Variants in PLA2G4A observed in about 807,000 individuals in gnomAD.
The protein encoded by PLA2G4A is phospholipase A2 group IVA.
PLA2G4A carries 40 observed loss-of-function variants against 81.9 expected under a neutral mutation model. That is an observed-to-expected ratio of 0.49 (90% CI 0.38 to 0.64). PLA2G4A has a LOEUF of 0.64. PLA2G4A is among the 30% of genes least tolerant of loss of function. PLA2G4A has a pLI of 0.00. For missense variants in PLA2G4A, 715 were observed against 905.1 expected, an observed-to-expected ratio of 0.79 and a Z score of 2.69; for synonymous variants, 302 against 296.9, an observed-to-expected ratio of 1.02 and a Z score of -0.18.
chr1:186,924,931 C>G (rs1176611245), intron 7 of PLA2G4A, among the ~76,000 whole-genome samples: 1 of 151,974 alleles, frequency 6.6e-6, no homozygotes, highest in Non-Finnish European at 1.5e-5. Context: ...ACCTGTAGTC[C>G]TAGCTACTTG....
chr1:186,843,642 G>A (rs1652067131), intron 1 of PLA2G4A, among the ~76,000 whole-genome samples: 1 of 152,208 alleles, frequency 6.6e-6, no homozygotes, highest in Admixed American at 6.5e-5. Flanking sequence ...ACTGACTTTA[G>A]AGAGTGAATT....
chr1:186,951,028 C>T (rs548017664), intron 13 of PLA2G4A, among the ~76,000 whole-genome samples: 4 of 152,274 alleles, frequency 2.6e-5, no homozygotes, highest in African/African-American at 9.6e-5. Flanking sequence ...GAGCACTAGG[C>T]TTCTCAGCAT....
intron 7 of PLA2G4A, among the ~76,000 whole-genome samples, chr1:186,917,295 G>A (rs917000978): frequency 2.6e-5 from 4 of 152,124 alleles, no homozygotes; most frequent in East Asian, 1.9e-4. Flanking sequence ...TGTAGCTGTC[G>A]CTGTAATTCA....
In PLA2G4A at chr1:186,988,643, T is replaced by G; in HGVS notation, c.*135T>G. 1.3e-6 allele frequency: 1 copy of G among 745,904 alleles called. No homozygotes were observed. Among genetic ancestry groups the G allele is most frequent in the South Asian group, 1.4e-5 (1 of 71,494 alleles). 46.2% of individuals were successfully genotyped at this position (745,904 alleles called of 1,614,324 possible). On this transcript the variant is annotated 3_prime_UTR_variant, in exon 18 of 18. Coordinates refer to ENST00000367466, the MANE Select transcript of PLA2G4A (RefSeq NM_024420.3). ...GCTGATACTCAAAGTTGCAGTTACT[T>G]AGCTGCATGAGAATAATACTATTAT...
rs1655128143 is a variant in PLA2G4A, at chr1:186,916,120, T to G, written c.558+4731T>G. On this transcript the variant is annotated intron_variant, in intron 7 of 17. Transcript: ENST00000367466. ...TCCTGGAATTTCTGGTACTGGCACA[T>G]TTAGTTCATCATAGAAAGTTTGAAA... 2.0e-5 allele frequency among the ~76,000 whole-genome samples: 3 copies of G among 152,134 alleles called. No individual in the cohort carries two copies. In the South Asian group the frequency reaches 6.2e-4, roughly 32 times the overall value.
chr1:186,938,762 C>T (rs991961140), intron 8 of PLA2G4A, among the ~76,000 whole-genome samples: 4 of 152,266 alleles, frequency 2.6e-5, no homozygotes, highest in Admixed American at 1.3e-4. Context: ...AGGGCACCTT[C>T]TCTCTTGGAC....
chr1:186,876,915 G>A (rs1278406235), intron 3 of PLA2G4A, among the ~76,000 whole-genome samples: 1 of 152,062 alleles, frequency 6.6e-6, no homozygotes, highest in Non-Finnish European at 1.5e-5. Context: ...CACCTGTAGG[G>A]CGACCTGCTT....
In PLA2G4A at chr1:186,956,126, G is replaced by A. The variant is rs1656743818; in HGVS notation, c.1361G>A (p.Ser454Asn). ...PKGTENEDAG[S>N]DYQSDNQASW... is the part of the protein sequence containing the mutation. Reference sequence around the variant, plus strand: ...GGCACTGAAAATGAAGATGCTGGAAGTGACTATCAAAGTGATAATCAAGCA... The same window carrying A: ...GGCACTGAAAATGAAGATGCTGGAAATGACTATCAAAGTGATAATCAAGCA... Residue 454 changes from serine to asparagine, a missense_variant, in exon 14 of 18, where the codon AGT becomes AAT. Ser to Asn is a conservative substitution (Grantham distance 46). Coordinates refer to ENST00000367466, the MANE Select transcript of PLA2G4A (RefSeq NM_024420.3). The A allele has an allele frequency of 3.1e-6, 5 of 1,612,266 alleles. No homozygotes were observed. The East Asian group carries it at 1.1e-4, about 36-fold the overall frequency.
At chr1:186,880,157 G>A (rs1653675830) in intron 3 of PLA2G4A, among the ~76,000 whole-genome samples, 3 of 152,028 alleles carry the variant, frequency 2.0e-5, no homozygotes, top group Non-Finnish European at 2.9e-5. Flanking sequence ...GGGTAAGTGG[G>A]AAGATGAAAT....
chr1:186,988,418 A>T lies in PLA2G4A; in HGVS notation c.2160A>T (p.Arg720Ser). The part of the protein sequence containing the change: ...EAMVESIEYR[R>S]QNPSRCSVSL... ...TGGTTGAAAGCATTGAATATAGAAG[A>T]CAGAATCCATCTCGTTGCTCTGTTT... is the stretch of plus-strand genomic sequence containing the variant. The change falls in exon 18 of 18, where the codon AGA becomes AGT. Residue 720 changes from arginine to serine, a missense_variant. By Grantham distance (110) the Arg-to-Ser change is moderately radical. Transcript: ENST00000367466. The T allele has an allele frequency of 6.2e-7, 1 of 1,611,792 alleles. No homozygotes were observed. The highest frequency in any genetic ancestry group is 8.5e-7 in the Non-Finnish European group (1 of 1,178,020).
intron 14 of PLA2G4A, among the ~76,000 whole-genome samples, chr1:186,963,999 T>C (rs1040840774): frequency 1.3e-5 from 2 of 152,224 alleles, no homozygotes; most frequent in East Asian, 3.9e-4. Context: ...AAACTGACTA[T>C]AGGAGAATTA....
intron 13 of PLA2G4A, among the ~76,000 whole-genome samples, chr1:186,953,365 T>C (rs917167074): frequency 6.6e-6 from 1 of 152,250 alleles, no homozygotes; most frequent in Non-Finnish European, 1.5e-5. Flanking sequence ...CTGTATATCG[T>C]TTTGATGAGG....
chr1:186,863,668 C>G (rs1652899603), intron 2 of PLA2G4A, among the ~76,000 whole-genome samples: 1 of 152,126 alleles, frequency 6.6e-6, no homozygotes, highest in African/African-American at 2.4e-5. Context: ...CTCTGGTAAC[C>G]ACTATCTTAC....
At chr1:186,986,458 A>G (rs971405037) in intron 17 of PLA2G4A, among the ~76,000 whole-genome samples, 6 of 152,226 alleles carry the variant, frequency 3.9e-5, no homozygotes, top group African/African-American at 1.4e-4. Context: ...ATAGATCTCT[A>G]GAAAGGCAGG....
At chr1:186,918,217 C>T (rs901847686) in intron 7 of PLA2G4A, among the ~76,000 whole-genome samples, 1 of 152,118 alleles carries the variant, frequency 6.6e-6, no homozygotes, top group African/African-American at 2.4e-5. Flanking sequence ...TGAATCAGGT[C>T]GAGAGTTTCT....
chr1:186,976,929 A>G (rs563780586), intron 15 of PLA2G4A, among the ~76,000 whole-genome samples: 3 of 152,168 alleles, frequency 2.0e-5, no homozygotes, highest in Non-Finnish European at 4.4e-5. Flanking sequence ...TCTGGCGGGA[A>G]TGTATAACCA....
intron 17 of PLA2G4A, among the ~76,000 whole-genome samples, chr1:186,987,602 CA>C (rs1434531210): frequency 6.6e-6 from 1 of 152,134 alleles, no homozygotes; most frequent in Non-Finnish European, 1.5e-5. Flanking sequence ...GGCCTTCTTC[CA>C]AAGCCCATTT....
chr1:186,893,048 T>C lies in PLA2G4A; in HGVS notation c.153T>C (p.Ser51=). ...TPDPYVELFI[S]TTPDSRKRTR... ...ATCCCTATGTGGAACTTTTTATCTC[T>C]ACAACCCCTGACAGCAGGAAGAGAA... The change falls in exon 4 of 18, where the codon TCT becomes TCC. Residue 51 remains serine (S), a synonymous_variant. Transcript: ENST00000367466. 2 of 1,609,554 alleles carry C rather than the reference T, an allele frequency of 1.2e-6. No homozygotes were observed. The highest frequency in any genetic ancestry group is 1.7e-6 in the Non-Finnish European group (2 of 1,175,828).
chr1:186,849,016 A>G (rs973655566), intron 1 of PLA2G4A, among the ~76,000 whole-genome samples: 7 of 152,110 alleles, frequency 4.6e-5, no homozygotes, highest in Non-Finnish European at 1.0e-4. Flanking sequence ...TTGAGTACTA[A>G]TTTCACCCCC....
Sources: allele counts gnomAD v4.1 joint callset (sites outside exome capture counted in the v4.1 genomes callset), GRCh38; gene constraint gnomAD v4.1.1; transcripts MANE v1.5; gene names NCBI Gene and HGNC (gene_info 2026-07-23, HGNC 2026-07-21).